MSRB3: variants seen among roughly 807,000 people sequenced by gnomAD.
The protein encoded by MSRB3 is methionine-R-sulfoxide reductase B3.
Under a neutral mutation model 21.0 loss-of-function variants are expected in MSRB3, and 13 were observed. That is an observed-to-expected ratio of 0.62 (90% CI 0.40 to 0.98). The LOEUF (loss-of-function observed/expected upper bound fraction) is 0.98, where lower values mean the gene tolerates loss of function less well. MSRB3 is among the 50% of genes least tolerant of loss of function. The pLI, the probability that MSRB3 is intolerant of heterozygous loss-of-function variation, is 0.00. For synonymous variants in MSRB3, 87 were observed against 88.6 expected, an observed-to-expected ratio of 0.98 and a Z score of 0.10; for missense variants, 199 against 230.3, an observed-to-expected ratio of 0.86 and a Z score of 0.88.
At chr12:65,376,193 C>T (rs1878609584) in intron 5 of MSRB3, among the ~76,000 whole-genome samples, 1 of 148,978 alleles carries the variant, frequency 6.7e-6, no homozygotes, top group Non-Finnish European at 1.5e-5. Flanking sequence ...CGTCTCGGCT[C>T]ACTGCAAGCT....
rs530441988 is a variant in MSRB3, at chr12:65,399,330, T to C, written c.292+30304T>C. Among the ~76,000 whole-genome samples, 10 of 152,330 alleles carry C rather than the reference T, an allele frequency of 6.6e-5. No individual in the cohort carries two copies. In the East Asian group the frequency reaches 1.9e-3, roughly 29 times the overall value. On this transcript the variant is annotated intron_variant, in intron 5 of 6. Transcript: ENST00000308259. Reference sequence around the variant, plus strand: ...TTGACAGGGTCCTTCACAACCATTGTAAGTTGTTTTCCTAGGTATTTTATT... The same window carrying C: ...TTGACAGGGTCCTTCACAACCATTGCAAGTTGTTTTCCTAGGTATTTTATT...
intron 4 of MSRB3, among the ~76,000 whole-genome samples, chr12:65,332,693 A>G (rs949953247): frequency 2.6e-5 from 4 of 152,324 alleles, no homozygotes; most frequent in Admixed American, 2.0e-4. Context: ...TTCACACTTA[A>G]AGTATATGTG....
At chr12:65,294,726 A>G (rs1175037819) in intron 1 of MSRB3, among the ~76,000 whole-genome samples, 1 of 152,086 alleles carries the variant, frequency 6.6e-6, no homozygotes, top group Non-Finnish European at 1.5e-5. Flanking sequence ...TATGTTATGG[A>G]CATATTTGAT....
chr12:65,436,977 G>A (rs1882147325), intron 5 of MSRB3, among the ~76,000 whole-genome samples: 2 of 151,918 alleles, frequency 1.3e-5, no homozygotes, highest in African/African-American at 4.8e-5. Context: ...TAAATAGGAT[G>A]TGTACACAAT....
chr12:65,449,645 T>C (rs1375245716), intron 5 of MSRB3, among the ~76,000 whole-genome samples: 2 of 152,116 alleles, frequency 1.3e-5, no homozygotes, highest in Non-Finnish European at 2.9e-5. Context: ...TAACAAAACA[T>C]GTGTAATTAC....
chr12:65,419,152 C>A, intron 5 of MSRB3: 1 of 682,648 alleles, frequency 1.5e-6, no homozygotes, highest in South Asian at 1.6e-5. Context: ...CTCAACAGCT[C>A]CAACCTTGGC....
intron 2 of MSRB3, among the ~76,000 whole-genome samples, chr12:65,314,891 T>A (rs1874195900): frequency 2.0e-5 from 3 of 152,180 alleles, no homozygotes; most frequent in South Asian, 4.1e-4. Flanking sequence ...TTTGGAGGAA[T>A]CATATAGGCA....
chr12:65,324,894 G>T (rs985741776), intron 2 of MSRB3, among the ~76,000 whole-genome samples: 4 of 152,136 alleles, frequency 2.6e-5, no homozygotes, highest in Non-Finnish European at 5.9e-5. Context: ...TGGTCTTTTT[G>T]TATGAATGAA....
Position 65,465,733 on chromosome 12 carries a change from G to A in MSRB3, c.*2411G>A, listed in dbSNP as rs1193615101. 6.6e-6 allele frequency: 1 copy of A among 152,182 alleles called. No homozygotes were observed. The highest frequency in any genetic ancestry group is 2.4e-5 in the African/African-American group (1 of 41,434). 9.4% of individuals were successfully genotyped at this position (152,182 alleles called of 1,614,324 possible). ...CCCTGGGTTCACTCTGGAATTCGTA[G>A]GCTTCACGTCTCTCTAGAAATGACG... On this transcript the variant is annotated 3_prime_UTR_variant, in exon 7 of 7. Coordinates refer to ENST00000308259, the MANE Select transcript of MSRB3 (RefSeq NM_001031679.3).
chr12:65,414,667 A>T (rs138258313), intron 5 of MSRB3, among the ~76,000 whole-genome samples: 1,627 of 152,308 alleles, frequency 0.011, 14 homozygotes, highest in Non-Finnish European at 0.019. Flanking sequence ...TTCTCAGAAC[A>T]CATCCCCATC....
chr12:65,344,300 C>G (rs887616273), intron 4 of MSRB3: 1 of 151,970 alleles, frequency 6.6e-6, no homozygotes, highest in Non-Finnish European at 1.5e-5. Context: ...TGTTATTGGT[C>G]ATATTCTGGG....
At chr12:65,351,969 C>T (rs1263265807) in intron 4 of MSRB3, among the ~76,000 whole-genome samples, 2 of 152,018 alleles carry the variant, frequency 1.3e-5, no homozygotes, top group East Asian at 3.8e-4. Flanking sequence ...TTTATGAGGC[C>T]AGCATCATTC....
intron 1 of MSRB3, among the ~76,000 whole-genome samples, chr12:65,307,991 G>A (rs1419625822): frequency 6.6e-6 from 1 of 152,160 alleles, no homozygotes; most frequent in Non-Finnish European, 1.5e-5. Flanking sequence ...AGGGAGATTT[G>A]CCAATAATTG....
chr12:65,340,180 T>C (rs183810017), intron 4 of MSRB3, among the ~76,000 whole-genome samples: 1 of 152,246 alleles, frequency 6.6e-6, no homozygotes, highest in African/African-American at 2.4e-5. Flanking sequence ...AAGAGTTAAG[T>C]AGTTTTAGGG....
At chr12:65,352,194 C>G (rs1411526161) in intron 4 of MSRB3, among the ~76,000 whole-genome samples, 1 of 152,164 alleles carries the variant, frequency 6.6e-6, no homozygotes, top group African/African-American at 2.4e-5. Context: ...AGCATATAAA[C>G]AGAGCCAACG....
intron 5 of MSRB3, chr12:65,419,412 G>A (rs969503744): frequency 2.1e-5 from 16 of 748,086 alleles, no homozygotes; most frequent in South Asian, 5.4e-5. Flanking sequence ...TGAGAGTCTC[G>A]ATCTCTGTCT....
At chr12:65,315,405 C>A (rs193253214) in intron 2 of MSRB3, among the ~76,000 whole-genome samples, 1 of 152,076 alleles carries the variant, frequency 6.6e-6, no homozygotes, top group East Asian at 1.9e-4. Context: ...GCGCGGTGGT[C>A]GTACCTGTAA....
At chr12:65,346,246 G>C (rs1876496279) in intron 4 of MSRB3, among the ~76,000 whole-genome samples, 1 of 152,172 alleles carries the variant, frequency 6.6e-6, no homozygotes, top group Admixed American at 6.5e-5. Context: ...TCCGGCACCT[G>C]TTGTTTCCTG....
At chr12:65,405,081 G>A (rs559306158) in intron 5 of MSRB3, among the ~76,000 whole-genome samples, 8 of 151,774 alleles carry the variant, frequency 5.3e-5, no homozygotes, top group Admixed American at 2.0e-4. Context: ...CTCCCAAGTC[G>A]CTGGGATTAC....
Sources: allele counts gnomAD v4.1 joint callset (sites outside exome capture counted in the v4.1 genomes callset), GRCh38; gene constraint gnomAD v4.1.1; transcripts MANE v1.5; gene names NCBI Gene and HGNC (gene_info 2026-07-23, HGNC 2026-07-21).